Variants in PTPRD observed in about 807,000 individuals in gnomAD.
The protein encoded by PTPRD is protein tyrosine phosphatase receptor type D.
In PTPRD, 34 loss-of-function variants were observed where a neutral mutation model predicts 214.5. That is an observed-to-expected ratio of 0.16 (90% CI 0.12 to 0.21). PTPRD has a LOEUF of 0.21. Among genes scored for constraint, PTPRD ranks in the 10% least tolerant of loss-of-function variants. PTPRD has a pLI of 1.00. For synonymous variants in PTPRD, 1,128 were observed against 845.7 expected (o/e 1.33, Z -5.79); for missense variants, 2,545 against 2,398.7 (o/e 1.06, Z -1.27).
intron 2 of PTPRD, among the ~76,000 whole-genome samples, chr9:10,595,780 G>T (rs932886702): frequency 6.6e-6 from 1 of 151,388 alleles, no homozygotes; most frequent in Non-Finnish European, 1.5e-5. Context: ...TTTACTAGTG[G>T]GGGGAAAGAA....
chr9:8,762,235 G>C lies in PTPRD; in HGVS notation c.-103-28289C>G, dbSNP rs1312326843. ...ACTGTATCATAACTAATTTCATGGA[G>C]GCAAGAGAGATCAAGTTTGAACATC... On this transcript the variant is annotated intron_variant, in intron 11 of 45. Coordinates refer to ENST00000381196, the MANE Select transcript of PTPRD (RefSeq NM_002839.4). 2.0e-5 allele frequency among the ~76,000 whole-genome samples: 3 copies of C among 152,194 alleles called. No homozygotes were observed. In the East Asian group the frequency reaches 5.8e-4, roughly 29 times the overall value.
At chr9:9,845,067 T>C (rs1276911589) in intron 5 of PTPRD, among the ~76,000 whole-genome samples, 2 of 128,782 alleles carry the variant, frequency 1.6e-5, no homozygotes, top group Non-Finnish European at 3.2e-5. Flanking sequence ...GCAATATATA[T>C]ATATATATTG....
chr9:8,774,384 A>G, intron 11 of PTPRD, among the ~76,000 whole-genome samples: 1 of 152,188 alleles, frequency 6.6e-6, no homozygotes, highest in East Asian at 1.9e-4. Flanking sequence ...AGAAAGGGAG[A>G]AGATTAGAGA....
intron 2 of PTPRD, among the ~76,000 whole-genome samples, chr9:10,381,102 A>G (rs12346727): frequency 0.18 from 26,767 of 148,134 alleles, 3,218 homozygotes; most frequent in East Asian, 0.64. Flanking sequence ...ATATAAGACC[A>G]AAAAAAAAAG....
intron 36 of PTPRD, among the ~76,000 whole-genome samples, chr9:8,397,990 C>A (rs1435568885): frequency 1.3e-5 from 2 of 152,046 alleles, no homozygotes; most frequent in Non-Finnish European, 2.9e-5. Flanking sequence ...TCTTATGGGT[C>A]TGGTTTCCAT....
At chr9:9,530,371 G>T (rs895563388) in intron 8 of PTPRD, among the ~76,000 whole-genome samples, 4 of 152,084 alleles carry the variant, frequency 2.6e-5, no homozygotes, top group Non-Finnish European at 5.9e-5. Flanking sequence ...TATACACTAA[G>T]AAATTGGAAC....
chr9:8,826,364 G>C (rs758417905), intron 11 of PTPRD, among the ~76,000 whole-genome samples: 3 of 151,834 alleles, frequency 2.0e-5, no homozygotes, highest in Non-Finnish European at 4.4e-5. Flanking sequence ...GTCTCCTATT[G>C]TGCCTTAAAT....
Position 9,029,056 on chromosome 9 carries a change from T to C in PTPRD, c.-142-10321A>G, listed in dbSNP as rs557620033. Among the ~76,000 whole-genome samples, 3 of 152,032 alleles carry C rather than the reference T, an allele frequency of 2.0e-5. No individual in the cohort carries two copies. In the South Asian group the frequency reaches 6.2e-4, roughly 32 times the overall value. On this transcript the variant is annotated intron_variant, in intron 10 of 45. Transcript: ENST00000381196. Reference sequence around the variant, plus strand: ...GAGATGTACAATTGTGAAGATTCAGTATGAAAAATAATATGAAATATCTCA... The same window carrying C: ...GAGATGTACAATTGTGAAGATTCAGCATGAAAAATAATATGAAATATCTCA...
chr9:10,063,745 C>T (rs2097823740), intron 3 of PTPRD, among the ~76,000 whole-genome samples: 1 of 151,924 alleles, frequency 6.6e-6, no homozygotes, highest in Non-Finnish European at 1.5e-5. Context: ...GAAAAGTACT[C>T]CACATTTCTT....
chr9:8,659,147 G>A (rs1290889940), intron 12 of PTPRD, among the ~76,000 whole-genome samples: 1 of 152,100 alleles, frequency 6.6e-6, no homozygotes, highest in Non-Finnish European at 1.5e-5. Flanking sequence ...TGAATGAGAG[G>A]GGCATGATAA....
Position 8,726,581 on chromosome 9 carries a change from A to AT in PTPRD, c.64+7198_64+7199insA, listed in dbSNP as rs2098563155. On this transcript the variant is annotated intron_variant, in intron 12 of 45. Transcript: ENST00000381196. ...ACTCGGTCTCTACTAAAAAAAAAAA[A>AT]AAAAAAAATATATATATATATATAT... 4.2e-4 allele frequency among the ~76,000 whole-genome samples: 8 copies of AT among 18,990 alleles called. 2 individuals carry two copies. The highest frequency in any genetic ancestry group is 7.4e-4 in the Non-Finnish European group (8 of 10,744). 12.5% of individuals were successfully genotyped at this position (18,990 alleles called of 152,430 possible).
At chr9:10,313,857 G>C (rs2096342387) in intron 3 of PTPRD, among the ~76,000 whole-genome samples, 1 of 151,908 alleles carries the variant, frequency 6.6e-6, no homozygotes, top group African/African-American at 2.4e-5. Context: ...AATGATGCAT[G>C]GGCCATTACG....
At chr9:9,720,118 T>G (rs1161165018) in intron 7 of PTPRD, among the ~76,000 whole-genome samples, 1 of 152,178 alleles carries the variant, frequency 6.6e-6, no homozygotes, top group Non-Finnish European at 1.5e-5. Context: ...GCAGAGGTGC[T>G]GTTGACCCCA....
At chr9:8,617,388 G>A (rs887988548) in intron 14 of PTPRD, among the ~76,000 whole-genome samples, 2 of 152,004 alleles carry the variant, frequency 1.3e-5, no homozygotes, top group African/African-American at 4.8e-5. Flanking sequence ...TCTCATTTTG[G>A]AGAAATGCTT....
chr9:9,204,513 C>T (rs2099943673), intron 9 of PTPRD, among the ~76,000 whole-genome samples: 1 of 152,116 alleles, frequency 6.6e-6, no homozygotes, highest in Admixed American at 6.6e-5. Flanking sequence ...GGGTTCTCAA[C>T]TTTTAAAGGA....
At chr9:10,330,818 G>T (rs2096735843) in intron 3 of PTPRD, among the ~76,000 whole-genome samples, 3 of 151,810 alleles carry the variant, frequency 2.0e-5, no homozygotes, top group Admixed American at 6.6e-5. Context: ...AACCCCTTAA[G>T]CTCCTTTGAT....
intron 3 of PTPRD, among the ~76,000 whole-genome samples, chr9:10,143,262 C>G (rs1275439359): frequency 6.7e-6 from 1 of 148,966 alleles, no homozygotes; most frequent in Non-Finnish European, 1.5e-5. Context: ...TATCCTAAAA[C>G]TTAAAGTATA....
In PTPRD at chr9:10,197,682, G is replaced by A. The variant is rs568936605; in HGVS notation, c.-545+143281C>T. ...AGAATGTATTTCACCAGTAGGTAGT[G>A]TTAGAAGCTTCAGGAAAAGCAGAGT... On this transcript the variant is annotated intron_variant, in intron 3 of 45. Coordinates refer to ENST00000381196, the MANE Select transcript of PTPRD (RefSeq NM_002839.4). Among the ~76,000 whole-genome samples the A allele has an allele frequency of 5.3e-5, 8 of 152,250 alleles. No individual in the cohort carries two copies. In the South Asian group the frequency reaches 1.7e-3, roughly 32 times the overall value.
chr9:8,436,253 C>T (rs997585543), intron 35 of PTPRD, among the ~76,000 whole-genome samples: 10 of 151,862 alleles, frequency 6.6e-5, no homozygotes, highest in Non-Finnish European at 1.3e-4. Flanking sequence ...TAAGCTTTAG[C>T]GATCTATTGC....
Sources: gnomAD v4.1 joint callset for allele counts (sites outside exome capture counted in the v4.1 genomes callset) on GRCh38, gnomAD v4.1.1 for gene constraint, MANE v1.5 for transcripts, NCBI Gene and HGNC (gene_info 2026-07-23, HGNC 2026-07-21) for gene names.